Variants in SHISA6 observed in about 807,000 individuals in gnomAD.
SHISA6 encodes protein shisa-6.
A neutral mutation model predicts 47.9 loss-of-function variants in SHISA6; 22 were observed. The observed-to-expected ratio is 0.46, with a 90% CI of 0.33 to 0.66. SHISA6 has a LOEUF of 0.66. SHISA6 is among the 30% of genes least tolerant of loss of function. The probability of loss-of-function intolerance (pLI) is 0.02; values close to 1 mark genes in which losing one functional copy is unlikely to be tolerated. For synonymous variants in SHISA6, 388 were observed against 337.8 expected (o/e 1.15, Z -1.63); for missense variants, 680 against 764.6 (o/e 0.89, Z 1.30).
chr17:11,457,180 G>A (rs370279122), intron 3 of SHISA6, among the ~76,000 whole-genome samples: 15 of 152,238 alleles, frequency 9.9e-5, no homozygotes, highest in East Asian at 3.9e-4. Context: ...GGGCCCCAGC[G>A]TTTCGAATGC....
chr17:11,536,976 C>T (rs560009833), intron 3 of SHISA6, among the ~76,000 whole-genome samples: 4 of 152,298 alleles, frequency 2.6e-5, no homozygotes, highest in South Asian at 2.1e-4. Flanking sequence ...GTCCTGAAGA[C>T]GCGGATCACA....
At chr17:11,326,631 T>C (rs1276039390) in intron 2 of SHISA6, among the ~76,000 whole-genome samples, 1 of 152,218 alleles carries the variant, frequency 6.6e-6, no homozygotes, top group Non-Finnish European at 1.5e-5. Context: ...ACACCGTTAA[T>C]TGGCTCCAGA....
intron 3 of SHISA6, among the ~76,000 whole-genome samples, chr17:11,471,760 G>A (rs984094852): frequency 1.3e-5 from 2 of 152,148 alleles, no homozygotes; most frequent in African/African-American, 4.8e-5. Flanking sequence ...CACCATGCCT[G>A]GCACATATTC....
chr17:11,519,906 T>C (rs903514641), intron 3 of SHISA6, among the ~76,000 whole-genome samples: 2 of 152,158 alleles, frequency 1.3e-5, no homozygotes, highest in Admixed American at 6.5e-5. Flanking sequence ...TTCCATGACA[T>C]CGTGCTTTCT....
intron 3 of SHISA6, among the ~76,000 whole-genome samples, chr17:11,494,396 T>A (rs955914525): frequency 3.9e-5 from 6 of 152,184 alleles, no homozygotes; most frequent in African/African-American, 1.4e-4. Flanking sequence ...GTTTGTTACT[T>A]ATCACCTAGG....
intron 3 of SHISA6, among the ~76,000 whole-genome samples, chr17:11,381,197 G>T: frequency 6.6e-6 from 1 of 152,044 alleles, no homozygotes; most frequent in Non-Finnish European, 1.5e-5. Context: ...CCACTGCAGT[G>T]GTTCCCCACC....
chr17:11,406,619 T>C (rs1481859007), intron 3 of SHISA6, among the ~76,000 whole-genome samples: 1 of 152,238 alleles, frequency 6.6e-6, no homozygotes, highest in African/African-American at 2.4e-5. Context: ...AGCTCCTTAC[T>C]GGTGGGAGTG....
At chr17:11,408,853 C>A (rs1439201617) in intron 3 of SHISA6, among the ~76,000 whole-genome samples, 1 of 152,144 alleles carries the variant, frequency 6.6e-6, no homozygotes, top group Admixed American at 6.5e-5. Context: ...AACTGTGAAA[C>A]TTCTGAAAGC....
At chr17:11,553,530 G>A (rs942670628) in intron 4 of SHISA6, among the ~76,000 whole-genome samples, 2 of 152,276 alleles carry the variant, frequency 1.3e-5, no homozygotes, top group African/African-American at 4.8e-5. Context: ...CCCTGCCCTT[G>A]AGCAGCTCAC....
intron 2 of SHISA6, among the ~76,000 whole-genome samples, chr17:11,335,433 T>C (rs1911285256): frequency 6.6e-6 from 1 of 152,146 alleles, no homozygotes; most frequent in Non-Finnish European, 1.5e-5. Flanking sequence ...CTATAGGTGA[T>C]CTCAAGGCCC....
chr17:11,331,254 G>A (rs1016008694), intron 2 of SHISA6, among the ~76,000 whole-genome samples: 1 of 152,114 alleles, frequency 6.6e-6, no homozygotes, highest in Non-Finnish European at 1.5e-5. Context: ...CTGAACATAA[G>A]ACATTCCTTT....
intron 3 of SHISA6, among the ~76,000 whole-genome samples, chr17:11,440,430 C>T (rs1372368799): frequency 6.6e-6 from 1 of 151,898 alleles, no homozygotes; most frequent in Non-Finnish European, 1.5e-5. Flanking sequence ...CTTGCTCCTC[C>T]ATGCATTTTT....
In SHISA6 at chr17:11,263,512, C is replaced by T; in HGVS notation, c.785C>T (p.Ala262Val). The change falls in exon 2 of 6, where the codon GCC becomes GTC. Residue 262 changes from alanine (A) to valine (V), a missense_variant. By Grantham distance (64) the Ala-to-Val change is moderately conservative. Coordinates refer to ENST00000441885, the MANE Select transcript of SHISA6 (RefSeq NM_207386.4). ...SKNHYTPVRT[A>V]KQTPGHYGKD... Reference sequence around the variant, plus strand: ...AACCACTACACTCCTGTGCGTACGGCCAAGCAGACTCCAGGTAAGTAACAG... The same window carrying T: ...AACCACTACACTCCTGTGCGTACGGTCAAGCAGACTCCAGGTAAGTAACAG... 5 of 1,551,674 alleles carry T rather than the reference C, an allele frequency of 3.2e-6. No homozygotes were observed. The highest frequency in any genetic ancestry group is 3.5e-6 in the Non-Finnish European group (4 of 1,146,982).
At chr17:11,493,426 T>C (rs975165944) in intron 3 of SHISA6, among the ~76,000 whole-genome samples, 4 of 151,978 alleles carry the variant, frequency 2.6e-5, no homozygotes, top group Non-Finnish European at 5.9e-5. Context: ...AGGGTTTCAT[T>C]ATGTTGGTCA....
At chr17:11,490,368 C>A (rs1211939824) in intron 3 of SHISA6, among the ~76,000 whole-genome samples, 1 of 152,014 alleles carries the variant, frequency 6.6e-6, no homozygotes, top group Non-Finnish European at 1.5e-5. Context: ...GAAGGAGAAG[C>A]AGGGAGCAAG....
At chr17:11,397,395 CTGTG>C (rs3034221) in intron 3 of SHISA6, among the ~76,000 whole-genome samples, 34 of 140,428 alleles carry the variant, frequency 2.4e-4, no homozygotes, top group African/African-American at 6.9e-4. Flanking sequence ...TTACCTGCCT[CTGTG>C]TGTGTGTGTG....
At chr17:11,274,077 C>T (rs977149435) in intron 2 of SHISA6, among the ~76,000 whole-genome samples, 2 of 152,206 alleles carry the variant, frequency 1.3e-5, no homozygotes, top group Non-Finnish European at 2.9e-5. Flanking sequence ...ATGGGACCAG[C>T]TGTGCCCAAC....
At chr17:11,557,659 G>T in intron 5 of SHISA6, 95 bp from the exon 6 acceptor site, 1 of 1,227,790 alleles carries the variant, frequency 8.1e-7, no homozygotes, top group South Asian at 1.6e-5. Context: ...AGGTTGACAG[G>T]TCTGTGATGG....
intron 2 of SHISA6, among the ~76,000 whole-genome samples, chr17:11,352,475 G>T (rs1209253071): frequency 6.6e-6 from 1 of 152,184 alleles, no homozygotes; most frequent in African/African-American, 2.4e-5. Flanking sequence ...ACTTCAAGTG[G>T]ACTGCAAGAT....
Sources: allele counts gnomAD v4.1 joint callset (sites outside exome capture counted in the v4.1 genomes callset), GRCh38; gene constraint gnomAD v4.1.1; transcripts MANE v1.5; gene names NCBI Gene and HGNC (gene_info 2026-07-23, HGNC 2026-07-21).